The following PLCB1 variants were observed in gnomAD, a reference collection of about 807,000 sequenced individuals.
PLCB1 encodes the protein phospholipase C beta 1.
Under a neutral mutation model 161.8 loss-of-function variants are expected in PLCB1, and 46 were observed. The observed-to-expected ratio is 0.28, with a 90% CI of 0.22 to 0.36. The LOEUF (loss-of-function observed/expected upper bound fraction) is 0.36. PLCB1 is among the 10% of genes least tolerant of loss of function. The pLI is 1.00. For missense variants in PLCB1, 1,016 were observed against 1,472.5 expected, an observed-to-expected ratio of 0.69 and a Z score of 5.07; for synonymous variants, 517 against 503.7, an observed-to-expected ratio of 1.03 and a Z score of -0.35.
At chr20:8,266,938 C>G (rs1981986766) in intron 2 of PLCB1, among the ~76,000 whole-genome samples, 1 of 151,614 alleles carries the variant, frequency 6.6e-6, no homozygotes, top group African/African-American at 2.4e-5. Context: ...ACTTGGGATG[C>G]TGAGGCAAGA....
At chr20:8,453,034 C>T (rs1162355737) in intron 3 of PLCB1, among the ~76,000 whole-genome samples, 4 of 152,204 alleles carry the variant, frequency 2.6e-5, no homozygotes, top group African/African-American at 4.8e-5. Flanking sequence ...TCTTTGAACC[C>T]TGCCTGACTT....
chr20:8,588,991 G>T (rs1987069183), intron 3 of PLCB1, among the ~76,000 whole-genome samples: 1 of 152,116 alleles, frequency 6.6e-6, no homozygotes, highest in Admixed American at 6.6e-5. Flanking sequence ...AACCCACATT[G>T]GGCCAGTGTC....
intron 2 of PLCB1, among the ~76,000 whole-genome samples, chr20:8,314,846 A>G (rs1984563433): frequency 6.6e-6 from 1 of 152,164 alleles, no homozygotes; most frequent in South Asian, 2.1e-4. Flanking sequence ...GGCTATTCCT[A>G]TGATACCAGG....
chr20:8,510,121 A>G (rs1983818566), intron 3 of PLCB1, among the ~76,000 whole-genome samples: 1 of 152,154 alleles, frequency 6.6e-6, no homozygotes, highest in South Asian at 2.1e-4. Flanking sequence ...AAAGCCTGAG[A>G]AGATTTTCTG....
At chr20:8,867,427 A>G (rs1987466329) in intron 31 of PLCB1, among the ~76,000 whole-genome samples, 1 of 152,250 alleles carries the variant, frequency 6.6e-6, no homozygotes, top group African/African-American at 2.4e-5. Context: ...CTGAATTCAT[A>G]ATGTATGTTC....
Position 8,132,776 on chromosome 20 carries a change from G to A in PLCB1, c.99+26G>A, listed in dbSNP as rs1222110225. 5.8e-6 allele frequency: 9 copies of A among 1,555,306 alleles called. No homozygotes were observed. Among genetic ancestry groups the A allele is most frequent in the Non-Finnish European group, 7.1e-6 (8 of 1,129,524 alleles). On this transcript the variant is annotated intron_variant, in intron 1 of 31. Transcript: ENST00000338037. The surrounding 1 kb of genome is among the most constrained non-coding windows in gnomAD (Gnocchi z 5.2). ...GTAAGTATTGGGGCGGCCCGAGTCG[G>A]GGCGCTGGCTCGGGCACCGGGCAGG... is the stretch of plus-strand genomic sequence containing the variant.
chr20:8,265,120 G>A (rs1981891112), intron 2 of PLCB1, among the ~76,000 whole-genome samples: 2 of 152,118 alleles, frequency 1.3e-5, no homozygotes, highest in African/African-American at 2.4e-5. Flanking sequence ...CAGTTTTAGT[G>A]GCAGGTATTC....
chr20:8,591,538 A>G (rs1372219034), intron 3 of PLCB1, among the ~76,000 whole-genome samples: 1 of 152,230 alleles, frequency 6.6e-6, no homozygotes, highest in African/African-American at 2.4e-5. Flanking sequence ...TAAATTCAGT[A>G]TAAATTCAGT....
At chr20:8,514,582 A>G (rs955642773) in intron 3 of PLCB1, among the ~76,000 whole-genome samples, 1 of 152,108 alleles carries the variant, frequency 6.6e-6, no homozygotes, top group African/African-American at 2.4e-5. Context: ...GAGGCTGAGA[A>G]GAAAACAGAT....
intron 19 of PLCB1, among the ~76,000 whole-genome samples, chr20:8,733,918 G>A (rs1027210583): frequency 4.0e-5 from 6 of 148,964 alleles, no homozygotes; most frequent in African/African-American, 1.5e-4. Flanking sequence ...TCAGGAGATC[G>A]AGACCATCCT....
chr20:8,422,655 A>T (rs942022980), intron 3 of PLCB1, among the ~76,000 whole-genome samples: 2 of 152,202 alleles, frequency 1.3e-5, no homozygotes, highest in Non-Finnish European at 2.9e-5. Context: ...TGTCAAGAAT[A>T]CTTTAATGGA....
intron 31 of PLCB1, among the ~76,000 whole-genome samples, chr20:8,831,909 T>TCC (rs1986005191): frequency 2.7e-5 from 2 of 73,256 alleles, no homozygotes; most frequent in African/African-American, 8.4e-5. Context: ...CCTCTCTTTC[T>TCC]TTCTCTTTCT....
chr20:8,600,989 C>T (rs1187434607), intron 3 of PLCB1, among the ~76,000 whole-genome samples: 2 of 152,122 alleles, frequency 1.3e-5, no homozygotes, highest in African/African-American at 2.4e-5. Context: ...CACTGACCTG[C>T]GCCCACTGTC....
intron 3 of PLCB1, among the ~76,000 whole-genome samples, chr20:8,555,188 G>T (rs1416710623): frequency 1.3e-5 from 2 of 151,918 alleles, no homozygotes; most frequent in African/African-American, 4.8e-5. Flanking sequence ...GGCCCTTGGG[G>T]CTCCCTACTC....
At chr20:8,180,593 A>G (rs1279965323) in intron 2 of PLCB1, among the ~76,000 whole-genome samples, 1 of 152,184 alleles carries the variant, frequency 6.6e-6, no homozygotes, top group African/African-American at 2.4e-5. Context: ...AACAGAGATT[A>G]AGGAATAGGC....
chr20:8,192,355 G>T (rs1057076554), intron 2 of PLCB1, among the ~76,000 whole-genome samples: 3 of 151,880 alleles, frequency 2.0e-5, no homozygotes, highest in African/African-American at 7.3e-5. Flanking sequence ...TATTCACTAG[G>T]TGAACTGCAG....
At chr20:8,799,880 C>T (rs979125678) in intron 31 of PLCB1, among the ~76,000 whole-genome samples, 2 of 152,120 alleles carry the variant, frequency 1.3e-5, no homozygotes, top group Non-Finnish European at 2.9e-5. Flanking sequence ...GTAAGTTCTA[C>T]GTAAATAGTG....
chr20:8,208,140 G>C (rs1002398739), intron 2 of PLCB1, among the ~76,000 whole-genome samples: 4 of 152,082 alleles, frequency 2.6e-5, no homozygotes, highest in African/African-American at 9.7e-5. Flanking sequence ...CCACACCGTA[G>C]ATAACTGTTT....
intron 2 of PLCB1, among the ~76,000 whole-genome samples, chr20:8,215,470 A>G (rs1979070689): frequency 6.6e-6 from 1 of 151,988 alleles, no homozygotes; most frequent in African/African-American, 2.4e-5. Context: ...GCCAATCAGA[A>G]GCCATAGTAT....
Sources: gnomAD v4.1 joint callset for allele counts (sites outside exome capture counted in the v4.1 genomes callset) on GRCh38, gnomAD v4.1.1 for gene constraint, Gnocchi (gnomAD v3.1) non-coding constraint, MANE v1.5 for transcripts, NCBI Gene and HGNC (gene_info 2026-07-23, HGNC 2026-07-21) for gene names.